Variants in FAM135B observed in about 807,000 individuals in gnomAD.
FAM135B encodes protein FAM135B.
FAM135B carries 43 observed loss-of-function variants against 127.7 expected under a neutral mutation model. That is an observed-to-expected ratio of 0.34 (90% CI 0.26 to 0.43). FAM135B has a LOEUF of 0.43. Ranked by LOEUF, FAM135B falls within the 20% of genes least tolerant of loss-of-function variation. The probability of loss-of-function intolerance (pLI) is 1.00; values close to 1 mark genes in which losing one functional copy is unlikely to be tolerated. For synonymous variants in FAM135B, 670 were observed against 665.1 expected (o/e 1.01, Z -0.11); for missense variants, 1,558 against 1,725.6 (o/e 0.90, Z 1.72).
Position 138,476,226 on chromosome 8 carries a change from A to G in FAM135B, c.-20+20445T>C, listed in dbSNP as rs115631174. Among the ~76,000 whole-genome samples the G allele has an allele frequency of 6.4e-3, 979 of 152,294 alleles. 6 individuals carry two copies. The highest frequency in any genetic ancestry group is 0.023 in the African/African-American group (947 of 41,574). ...GGTCTGGGGGGATTGAAAAATGAAA[A>G]GGCAGAGGACAAGATTTTTAGAGCA... On this transcript the variant is annotated intron_variant, in intron 1 of 19. Coordinates refer to ENST00000395297, the MANE Select transcript of FAM135B (RefSeq NM_015912.4).
At chr8:138,193,690 C>A (rs1388260669) in intron 9 of FAM135B, among the ~76,000 whole-genome samples, 1 of 152,182 alleles carries the variant, frequency 6.6e-6, no homozygotes, top group Non-Finnish European at 1.5e-5. Flanking sequence ...GCAGCCCGAG[C>A]CAGCCCTGGA....
At chr8:138,133,510 T>C (rs985560942) in intron 19 of FAM135B, among the ~76,000 whole-genome samples, 37 of 152,226 alleles carry the variant, frequency 2.4e-4, no homozygotes, top group African/African-American at 8.0e-4. Flanking sequence ...ACAACTTTTG[T>C]ATCATTGACA....
At chr8:138,448,811 G>A (rs1836336756) in intron 1 of FAM135B, among the ~76,000 whole-genome samples, 1 of 151,130 alleles carries the variant, frequency 6.6e-6, no homozygotes, top group African/African-American at 2.4e-5. Context: ...AAAAAGCTAG[G>A]AATCAGAAAA....
chr8:138,446,804 T>C (rs372410244), intron 1 of FAM135B, among the ~76,000 whole-genome samples: 2,730 of 151,306 alleles, frequency 0.018, 63 homozygotes, highest in East Asian at 0.08. Flanking sequence ...AATTGACAAA[T>C]GGGATCTAAT....
At position 138,141,066 on chromosome 8, in the gene FAM135B, T is replaced by A. The variant is rs1817098136; in HGVS notation, c.3790+132A>T. On this transcript the variant is annotated intron_variant, in intron 17 of 19. Coordinates refer to ENST00000395297, the MANE Select transcript of FAM135B (RefSeq NM_015912.4). The surrounding 1 kb of genome is among the most constrained non-coding windows in gnomAD (Gnocchi z 4.7). Reference sequence around the variant, plus strand: ...AGGGCCACACCTCTAAGGCCAGGACTCCTCCCTCCATGCCATGCTTGGAAA... The same window carrying A: ...AGGGCCACACCTCTAAGGCCAGGACACCTCCCTCCATGCCATGCTTGGAAA... The A allele has an allele frequency of 1.2e-6, 1 of 813,770 alleles. No individual in the cohort carries two copies. The highest frequency in any genetic ancestry group is 2.0e-6 in the Non-Finnish European group (1 of 512,370). 50.4% of individuals were successfully genotyped at this position (813,770 alleles called of 1,614,324 possible). A position where few individuals can be genotyped will look rare whatever the true frequency, so the allele number is the denominator to read the frequency against.
intron 17 of FAM135B, among the ~76,000 whole-genome samples, chr8:138,139,374 G>A (rs555991951): frequency 2.6e-5 from 4 of 152,108 alleles, no homozygotes; most frequent in East Asian, 1.9e-4. Context: ...ATCTCCTTCC[G>A]AAAAAGAAGC....
In FAM135B at chr8:138,474,727, C is replaced by A. The variant is rs531283973; in HGVS notation, c.-20+21944G>T. 7.2e-5 allele frequency among the ~76,000 whole-genome samples: 11 copies of A among 152,224 alleles called. No individual in the cohort carries two copies. In the South Asian group the frequency reaches 8.3e-4, roughly 11 times the overall value. On this transcript the variant is annotated intron_variant, in intron 1 of 19. Transcript: ENST00000395297. ...CCTTTTTGTACTTTACTGCATTATGCATTTTACTTTCTGTTATATTTTGTA... is the reference window on the plus strand; with the variant it reads ...CCTTTTTGTACTTTACTGCATTATGAATTTTACTTTCTGTTATATTTTGTA...
intron 7 of FAM135B, among the ~76,000 whole-genome samples, chr8:138,219,711 T>C (rs1326614188): frequency 6.6e-6 from 1 of 152,162 alleles, no homozygotes; most frequent in Non-Finnish European, 1.5e-5. Context: ...ACTTTACCTC[T>C]TAAATGACTC....
chr8:138,165,889 A>G (rs1819867487), intron 12 of FAM135B, among the ~76,000 whole-genome samples: 1 of 152,198 alleles, frequency 6.6e-6, no homozygotes, highest in African/African-American at 2.4e-5. Context: ...CTGAGAACCA[A>G]ATAACCGTAT....
intron 19 of FAM135B, among the ~76,000 whole-genome samples, chr8:138,133,885 C>A (rs934608376): frequency 6.6e-6 from 1 of 152,088 alleles, no homozygotes; most frequent in Non-Finnish European, 1.5e-5. Flanking sequence ...TCTTTTCCCC[C>A]CCTTCTTAGG....
At chr8:138,432,434 C>T (rs1285700073) in intron 1 of FAM135B, among the ~76,000 whole-genome samples, 3 of 152,052 alleles carry the variant, frequency 2.0e-5, no homozygotes, top group East Asian at 1.9e-4. Flanking sequence ...TGAAACTGCA[C>T]CTGTTCCCAA....
rs1224299257 is a variant in FAM135B at position 138,167,720 on chromosome 8, C to T, written c.1258+175G>A. ...TGGTTATTTTGTTAGATCGTTTTGT[C>T]TATTTCATGGAAACAAAGTCATTTC... is the stretch of plus-strand genomic sequence containing the variant. On this transcript the variant is annotated intron_variant, in intron 12 of 19. Coordinates refer to ENST00000395297, the MANE Select transcript of FAM135B (RefSeq NM_015912.4). Among the ~76,000 whole-genome samples the T allele has an allele frequency of 2.6e-5, 4 of 152,004 alleles. No individual in the cohort carries two copies. In the East Asian group the frequency reaches 5.8e-4, roughly 22 times the overall value.
chr8:138,425,965 A>T (rs1443610064), intron 1 of FAM135B, among the ~76,000 whole-genome samples: 1 of 800 alleles, frequency 1.3e-3, no homozygotes, highest in East Asian at 9.6e-3. Flanking sequence ...CCAGGCCAAC[A>T]TATATATATA....
chr8:138,420,232 G>A (rs951184406), intron 1 of FAM135B, among the ~76,000 whole-genome samples: 1 of 151,876 alleles, frequency 6.6e-6, no homozygotes, highest in African/African-American at 2.4e-5. Flanking sequence ...CTCTATGCAT[G>A]CAAACTAGAA....
intron 2 of FAM135B, among the ~76,000 whole-genome samples, chr8:138,312,382 G>A (rs962346873): frequency 5.3e-5 from 8 of 152,234 alleles, no homozygotes; most frequent in Admixed American, 1.3e-4. Flanking sequence ...AAATGAAGAT[G>A]CTTCAAGGTA....
chr8:138,189,456 T>G (rs569732892), intron 9 of FAM135B, among the ~76,000 whole-genome samples: 2 of 152,318 alleles, frequency 1.3e-5, no homozygotes, highest in Non-Finnish European at 2.9e-5. Flanking sequence ...CTGCCCTCAT[T>G]GGCGGAAAGC....
chr8:138,481,340 G>T (rs1451441638), intron 1 of FAM135B, among the ~76,000 whole-genome samples: 1 of 152,194 alleles, frequency 6.6e-6, no homozygotes, highest in Admixed American at 6.5e-5. Context: ...AACAGATTCA[G>T]AAAAGTTAAA....
At chr8:138,479,825 T>C (rs1180551403) in intron 1 of FAM135B, among the ~76,000 whole-genome samples, 1 of 152,200 alleles carries the variant, frequency 6.6e-6, no homozygotes, top group Non-Finnish European at 1.5e-5. Context: ...TCTTTTGTTC[T>C]TGCTTCAAAA....
At chr8:138,400,483 C>A (rs536400653) in intron 1 of FAM135B, among the ~76,000 whole-genome samples, 38 of 152,212 alleles carry the variant, frequency 2.5e-4, no homozygotes, top group Admixed American at 2.2e-3. Flanking sequence ...TCTCACCCTC[C>A]ACCCACCACC....
Sources: gnomAD v4.1 joint callset for allele counts (sites outside exome capture counted in the v4.1 genomes callset) on GRCh38, gnomAD v4.1.1 for gene constraint, Gnocchi (gnomAD v3.1) non-coding constraint, MANE v1.5 for transcripts, NCBI Gene and HGNC (gene_info 2026-07-23, HGNC 2026-07-21) for gene names.